ASIC2: variants seen among roughly 807,000 people sequenced by gnomAD.
ASIC2 encodes acid sensing ion channel subunit 2, also known as acid-sensing ion channel 2.
Under a neutral mutation model 57.3 loss-of-function variants are expected in ASIC2, and 25 were observed. The observed-to-expected ratio is 0.44, with a 90% CI of 0.32 to 0.61. The LOEUF is 0.61. Among genes scored for constraint, ASIC2 ranks in the 20% least tolerant of loss-of-function variants. The pLI is 0.06. For missense variants in ASIC2, 641 were observed against 738.1 expected, an observed-to-expected ratio of 0.87 and a Z score of 1.52; for synonymous variants, 319 against 307.5, an observed-to-expected ratio of 1.04 and a Z score of -0.39.
chr17:34,086,846 A>T (rs1198965726), intron 1 of ASIC2, among the ~76,000 whole-genome samples: 1 of 152,152 alleles, frequency 6.6e-6, no homozygotes, highest in African/African-American at 2.4e-5. Flanking sequence ...GTTTTATCAG[A>T]GACTAGGACT....
intron 1 of ASIC2, among the ~76,000 whole-genome samples, chr17:34,016,794 C>T (rs780602257): frequency 7.2e-5 from 11 of 152,110 alleles, no homozygotes; most frequent in Non-Finnish European, 1.6e-4. Context: ...ATATTTGTAT[C>T]ATGTTTATAT....
Position 33,345,578 on chromosome 17 carries a change from A to G in ASIC2, c.556-233511T>C, listed in dbSNP as rs142559424. On this transcript the variant is annotated intron_variant, in intron 1 of 9. Coordinates refer to the ASIC2 transcript ENST00000359872. Reference sequence around the variant, plus strand: ...TCAGACCAGGAGAAGAGGAAATCCCAAACAGAGAGAAAATCTGGTACAAAT... The same window carrying G: ...TCAGACCAGGAGAAGAGGAAATCCCGAACAGAGAGAAAATCTGGTACAAAT... Among the ~76,000 whole-genome samples the G allele has an allele frequency of 4.9e-3, 748 of 152,314 alleles. 3 individuals are homozygous for G. The highest frequency in any genetic ancestry group is 0.016 in the African/African-American group (665 of 41,566).
intron 1 of ASIC2, among the ~76,000 whole-genome samples, chr17:33,646,520 T>G (rs1597820096): frequency 6.6e-6 from 1 of 152,140 alleles, no homozygotes; most frequent in East Asian, 1.9e-4. Flanking sequence ...GGGGATCACA[T>G]CCCTTGGAGG....
chr17:34,145,083 C>A (rs191393670), intron 1 of ASIC2, among the ~76,000 whole-genome samples: 134 of 152,338 alleles, frequency 8.8e-4, no homozygotes, highest in African/African-American at 3.1e-3. Flanking sequence ...CTGGGAACTG[C>A]CTCTTGAGGA....
chr17:33,519,490 G>A (rs1914677319), intron 1 of ASIC2, among the ~76,000 whole-genome samples: 2 of 152,064 alleles, frequency 1.3e-5, no homozygotes, highest in African/African-American at 4.8e-5. Context: ...GAACCATCTG[G>A]GATGCTTTAT....
At chr17:33,096,405 T>C (rs912383249) in intron 2 of ASIC2, among the ~76,000 whole-genome samples, 1 of 152,216 alleles carries the variant, frequency 6.6e-6, no homozygotes, top group Non-Finnish European at 1.5e-5. Flanking sequence ...ATTTTCTGCA[T>C]CACACTTAGC....
At chr17:33,128,857 G>A (rs903817513) in intron 1 of ASIC2, among the ~76,000 whole-genome samples, 5 of 152,184 alleles carry the variant, frequency 3.3e-5, no homozygotes, top group Non-Finnish European at 5.9e-5. Context: ...CATAATTCCA[G>A]TATCTGCCCT....
At chr17:33,256,319 A>C (rs1332217437) in intron 1 of ASIC2, among the ~76,000 whole-genome samples, 2 of 152,246 alleles carry the variant, frequency 1.3e-5, no homozygotes, top group Non-Finnish European at 2.9e-5. Context: ...TAAAAGATAC[A>C]GAACAAAATG....
chr17:33,909,694 T>C (rs1915420960), intron 1 of ASIC2, among the ~76,000 whole-genome samples: 1 of 152,238 alleles, frequency 6.6e-6, no homozygotes, highest in South Asian at 2.1e-4. Context: ...TTCTATTTAT[T>C]TTGCTTCTTC....
chr17:33,612,366 T>C (rs989435506), intron 1 of ASIC2, among the ~76,000 whole-genome samples: 1 of 152,166 alleles, frequency 6.6e-6, no homozygotes, highest in South Asian at 2.1e-4. Context: ...AATGAACTGA[T>C]GCTCTGCAAG....
intron 2 of ASIC2, among the ~76,000 whole-genome samples, chr17:33,107,843 A>G (rs1160396540): frequency 6.6e-6 from 1 of 152,166 alleles, no homozygotes; most frequent in East Asian, 1.9e-4. Flanking sequence ...GCTTCCTGAC[A>G]TTCCTGAGAA....
chr17:33,885,943 T>C (rs1050353750), intron 1 of ASIC2, among the ~76,000 whole-genome samples: 1 of 152,250 alleles, frequency 6.6e-6, no homozygotes, highest in African/African-American at 2.4e-5. Flanking sequence ...TTTGAGGACA[T>C]AACTTCTGTC....
intron 1 of ASIC2, among the ~76,000 whole-genome samples, chr17:33,137,168 G>A (rs1325059529): frequency 6.6e-6 from 1 of 152,208 alleles, no homozygotes; most frequent in African/African-American, 2.4e-5. Flanking sequence ...ATAGCATTTT[G>A]CTAAGTATTG....
chr17:33,264,868 G>C (rs1240310152), intron 1 of ASIC2, among the ~76,000 whole-genome samples: 1 of 152,238 alleles, frequency 6.6e-6, no homozygotes, highest in Non-Finnish European at 1.5e-5. Flanking sequence ...GAAAAAGTAT[G>C]AACTGAATCA....
intron 1 of ASIC2, among the ~76,000 whole-genome samples, chr17:33,818,985 A>C (rs1409547287): frequency 6.6e-6 from 1 of 152,230 alleles, no homozygotes; most frequent in Non-Finnish European, 1.5e-5. Flanking sequence ...CTACTGGGCT[A>C]AGCTTAGCTT....
intron 1 of ASIC2, among the ~76,000 whole-genome samples, chr17:33,224,815 C>A (rs1410573809): frequency 6.6e-6 from 1 of 152,150 alleles, no homozygotes; most frequent in Non-Finnish European, 1.5e-5. Flanking sequence ...GATCATGTTG[C>A]CCTATACCCA....
At position 33,281,110 on chromosome 17, in the gene ASIC2, A is replaced by G. The variant is rs373675694; in HGVS notation, c.708+10298T>C. 3.0e-4 allele frequency among the ~76,000 whole-genome samples: 45 copies of G among 152,300 alleles called. No individual in the cohort carries two copies. In the East Asian group the frequency reaches 6.2e-3, roughly 21 times the overall value. ...TTAAGAATGAATCTCCTTACAGTCT[A>G]TTTCAAGCTTCCCAGTGACCTGCGG... On this transcript the variant is annotated intron_variant, in intron 1 of 9. Coordinates refer to ENST00000225823, the MANE Select transcript of ASIC2 (RefSeq NM_183377.2).
In ASIC2 at chr17:33,136,496, T is replaced by C. The variant is rs570804550; in HGVS notation, c.709-24429A>G. Among the ~76,000 whole-genome samples the C allele has an allele frequency of 9.8e-5, 15 of 152,354 alleles. 1 individual carries two copies. In the South Asian group the frequency reaches 3.1e-3, roughly 32 times the overall value. Reference sequence around the variant, plus strand: ...GAATCAAGTCTCTTCTGTGTGCATGTGTTTTGTGTAAGCTGAACCCAGCTG... The same window carrying C: ...GAATCAAGTCTCTTCTGTGTGCATGCGTTTTGTGTAAGCTGAACCCAGCTG... On this transcript the variant is annotated intron_variant, in intron 1 of 9. Transcript: ENST00000225823.
intron 1 of ASIC2, among the ~76,000 whole-genome samples, chr17:33,314,567 A>C (rs999838422): frequency 6.6e-6 from 1 of 152,154 alleles, no homozygotes; most frequent in Non-Finnish European, 1.5e-5. Context: ...GATGGCTGGG[A>C]AAGTAGGGGT....
Sources: allele counts gnomAD v4.1 joint callset (sites outside exome capture counted in the v4.1 genomes callset), GRCh38; gene constraint gnomAD v4.1.1; transcripts MANE v1.5; gene names NCBI Gene and HGNC (gene_info 2026-07-23, HGNC 2026-07-21).